The following CD9 variants were observed in gnomAD, a reference collection of about 807,000 sequenced individuals.
The protein encoded by CD9 is CD9 antigen.
Under a neutral mutation model 31.4 loss-of-function variants are expected in CD9, and 10 were observed. The ratio of observed to expected loss-of-function variants is 0.32; its 90% CI spans 0.20 to 0.54. The LOEUF (loss-of-function observed/expected upper bound fraction) is 0.54. CD9 is among the 20% of genes least tolerant of loss of function. CD9 has a pLI of 0.94. For synonymous variants in CD9, 113 were observed against 114.1 expected, an observed-to-expected ratio of 0.99 and a Z score of 0.06; for missense variants, 259 against 300.1, an observed-to-expected ratio of 0.86 and a Z score of 1.01.
chr12:6,238,078 T>C lies in CD9; in HGVS notation c.*250T>C. 1 of 385,914 alleles carries C rather than the reference T, an allele frequency of 2.6e-6. No individual in the cohort carries two copies. Among genetic ancestry groups the C allele is most frequent in the Non-Finnish European group, 4.8e-6 (1 of 208,260 alleles). The allele number at this position is 385,914 out of a possible 1,614,324, so 23.9% of individuals were successfully genotyped here. A position where few individuals can be genotyped will look rare whatever the true frequency, so the allele number is the denominator to read the frequency against. On this transcript the variant is annotated 3_prime_UTR_variant, in exon 8 of 8. Transcript: ENST00000009180. ...TTTATATTTTTTCAGTTGTTTGTTT[T>C]TGCTTGTTATATTAAGCAGAAATCC...
Position 6,200,581 on chromosome 12 carries a change from T to G in CD9, c.66+16T>G. The G allele has an allele frequency of 1.3e-6, 2 of 1,580,222 alleles. No homozygotes were observed. Among genetic ancestry groups the G allele is most frequent in the Non-Finnish European group, 1.7e-6 (2 of 1,150,550 alleles). On this transcript the variant is annotated intron_variant, in intron 1 of 7. Coordinates refer to ENST00000009180, the MANE Select transcript of CD9 (RefSeq NM_001769.4). Reference sequence around the variant, plus strand: ...CATCTTCTGGGTGAGTGAGCGCGACTGCCGCGCGCTCCTCTCAGGGCCCAC... The same window carrying G: ...CATCTTCTGGGTGAGTGAGCGCGACGGCCGCGCGCTCCTCTCAGGGCCCAC...
intron 1 of CD9, among the ~76,000 whole-genome samples, chr12:6,221,494 T>TA (rs1946291278): frequency 6.6e-6 from 1 of 152,180 alleles, no homozygotes; most frequent in East Asian, 1.9e-4. Flanking sequence ...TCGAAGAAAT[T>TA]ACATGGTCAG....
At chr12:6,203,333 G>C (rs914593136) in intron 1 of CD9, among the ~76,000 whole-genome samples, 5 of 152,182 alleles carry the variant, frequency 3.3e-5, no homozygotes, top group African/African-American at 1.2e-4. Flanking sequence ...AACTGCTTGG[G>C]TGATTATGTT....
chr12:6,237,549 T>C (rs1946537219), intron 7 of CD9, among the ~76,000 whole-genome samples: 1 of 152,232 alleles, frequency 6.6e-6, no homozygotes, highest in Admixed American at 6.5e-5. Flanking sequence ...CTTGTGCAGC[T>C]GACTGCCAAC....
upstream of CD9, chr12:6,200,385 C>G (rs979016032): frequency 4.9e-5 from 33 of 669,794 alleles, no homozygotes; most frequent in African/African-American, 5.0e-4. Flanking sequence ...AAAGTGCAGC[C>G]GGAGACCAGC....
At chr12:6,212,718 G>A (rs964755659) in intron 1 of CD9, among the ~76,000 whole-genome samples, 17 of 152,174 alleles carry the variant, frequency 1.1e-4, no homozygotes, top group Non-Finnish European at 2.4e-4. Context: ...TTTTTATGTT[G>A]AATTGTATGG....
rs779908250 is a variant in CD9 at position 6,235,628 on chromosome 12, T to C, written c.537+63T>C. ...TTGCTCTGGACAAACCCTGCAAGCATGAAAGTGACAGCAGCCAAGTGCTGC... is the reference window on the plus strand; with the variant it reads ...TTGCTCTGGACAAACCCTGCAAGCACGAAAGTGACAGCAGCCAAGTGCTGC... On this transcript the variant is annotated intron_variant, in intron 6 of 7. Transcript: ENST00000009180. 4.6e-6 allele frequency: 7 copies of C among 1,526,648 alleles called. No homozygotes were observed. The South Asian group carries it at 7.6e-5, about 17-fold the overall frequency. The allele number at this position is 1,526,648 out of a possible 1,614,324, so 94.6% of individuals were successfully genotyped here.
chr12:6,220,467 C>A (rs1207346744), intron 1 of CD9, among the ~76,000 whole-genome samples: 1 of 152,114 alleles, frequency 6.6e-6, no homozygotes, highest in Non-Finnish European at 1.5e-5. Flanking sequence ...GGTTAAGACG[C>A]CAGCTCAGGG....
At chr12:6,237,689 C>T in intron 7 of CD9, 74 bp from the exon 8 acceptor site, 12 of 1,118,818 alleles carry the variant, frequency 1.1e-5, no homozygotes, top group Non-Finnish European at 1.5e-5. Flanking sequence ...CTGGGTGACC[C>T]ATGTCTCTCC....
At chr12:6,206,733 G>A (rs979708956) in intron 1 of CD9, among the ~76,000 whole-genome samples, 1 of 151,970 alleles carries the variant, frequency 6.6e-6, no homozygotes, top group East Asian at 1.9e-4. Flanking sequence ...TCCTCCCCCC[G>A]CCTCTCCAAA....
At chr12:6,236,360 C>A in intron 7 of CD9, 85 bp downstream of exon 7, 1 of 1,205,026 alleles carries the variant, frequency 8.3e-7, no homozygotes. Flanking sequence ...CCGCCGCACT[C>A]TGTGCATTTG....
chr12:6,220,065 T>G (rs903373031), intron 1 of CD9, among the ~76,000 whole-genome samples: 1 of 152,032 alleles, frequency 6.6e-6, no homozygotes, highest in Non-Finnish European at 1.5e-5. Flanking sequence ...AAACCCCAGA[T>G]AGAGGAAGGG....
chr12:6,233,755 G>A (rs1990384), intron 4 of CD9, among the ~76,000 whole-genome samples: 1 of 151,670 alleles, frequency 6.6e-6, no homozygotes, highest in African/African-American at 2.4e-5. Context: ...GCGTGTGTCT[G>A]TCTGTCCATC....
intron 1 of CD9, among the ~76,000 whole-genome samples, chr12:6,203,425 A>G (rs1287704996): frequency 1.3e-5 from 2 of 152,154 alleles, no homozygotes; most frequent in Admixed American, 1.3e-4. Context: ...GAAAAGCAGG[A>G]ATTGTGAGGC....
At chr12:6,210,570 C>T (rs1277384582) in intron 1 of CD9, among the ~76,000 whole-genome samples, 5 of 152,166 alleles carry the variant, frequency 3.3e-5, no homozygotes, top group South Asian at 4.1e-4. Context: ...AGGGAGGAGG[C>T]GCGTCTGCAA....
At chr12:6,222,208 T>G (rs1451792796) in intron 1 of CD9, among the ~76,000 whole-genome samples, 3 of 152,218 alleles carry the variant, frequency 2.0e-5, no homozygotes, top group African/African-American at 7.2e-5. Context: ...GAGCAATGTC[T>G]CCAACAGCGT....
intron 4 of CD9, 123 bp downstream of exon 4, chr12:6,233,609 C>A: frequency 1.4e-6 from 1 of 737,990 alleles, no homozygotes; most frequent in Non-Finnish European, 2.4e-6. Flanking sequence ...CCTCTTATCT[C>A]ATCGCGTCCC....
chr12:6,233,579 G>T, intron 4 of CD9, 93 bp downstream of exon 4: 1 of 970,748 alleles, frequency 1.0e-6, no homozygotes. Flanking sequence ...ACTTTGTTCA[G>T]CTTTCAGCTG....
chr12:6,215,383 G>A (rs954008842), intron 1 of CD9, among the ~76,000 whole-genome samples: 21 of 152,184 alleles, frequency 1.4e-4, no homozygotes, highest in East Asian at 3.9e-4. Flanking sequence ...AAACTTGAGC[G>A]TGATGAGAGT....
Sources: allele counts gnomAD v4.1 joint callset (sites outside exome capture counted in the v4.1 genomes callset), GRCh38; gene constraint gnomAD v4.1.1; transcripts MANE v1.5; gene names NCBI Gene and HGNC (gene_info 2026-07-23, HGNC 2026-07-21).